GRID1: variants seen among roughly 807,000 people sequenced by gnomAD.
GRID1 encodes glutamate ionotropic receptor delta type subunit 1.
Under a neutral mutation model 98.0 loss-of-function variants are expected in GRID1, and 28 were observed. The observed-to-expected ratio is 0.29, with a 90% CI of 0.21 to 0.39. The LOEUF is 0.39. Among genes scored for constraint, GRID1 ranks in the 10% least tolerant of loss-of-function variants. GRID1 has a pLI of 1.00. For missense variants in GRID1, 1,111 were observed against 1,340.5 expected, an observed-to-expected ratio of 0.83 and a Z score of 2.67; for synonymous variants, 553 against 538.5, an observed-to-expected ratio of 1.03 and a Z score of -0.37.
chr10:86,154,586 G>A (rs1440151957), intron 3 of GRID1, among the ~76,000 whole-genome samples: 1 of 152,138 alleles, frequency 6.6e-6, no homozygotes, highest in African/African-American at 2.4e-5. Flanking sequence ...CAGATCCTGG[G>A]AATCTTTCTC....
At chr10:85,640,941 G>C (rs1366295161) in intron 13 of GRID1, among the ~76,000 whole-genome samples, 2 of 152,190 alleles carry the variant, frequency 1.3e-5, no homozygotes, top group Non-Finnish European at 2.9e-5. Context: ...ACCACCAAAT[G>C]CTGGCCTAAA....
intron 8 of GRID1, among the ~76,000 whole-genome samples, chr10:85,815,412 A>C (rs1235348565): frequency 6.6e-6 from 1 of 152,060 alleles, no homozygotes; most frequent in East Asian, 1.9e-4. Context: ...AAAATAAACA[A>C]AAGAAATACA....
chr10:85,853,307 T>C (rs1428312805), intron 8 of GRID1, among the ~76,000 whole-genome samples: 1 of 152,208 alleles, frequency 6.6e-6, no homozygotes, highest in African/African-American at 2.4e-5. Context: ...TTCTAGCCAA[T>C]GGTGACATCA....
chr10:86,062,267 T>TAC (rs1564663358), intron 4 of GRID1, among the ~76,000 whole-genome samples: 1 of 151,980 alleles, frequency 6.6e-6, no homozygotes, highest in Admixed American at 6.6e-5. Context: ...GAGCATCTCA[T>TAC]ACACACACAC....
intron 2 of GRID1, among the ~76,000 whole-genome samples, chr10:86,218,892 T>C (rs1846212367): frequency 6.6e-6 from 1 of 152,218 alleles, no homozygotes; most frequent in Non-Finnish European, 1.5e-5. Flanking sequence ...CAGCTCTGGA[T>C]GCCTTGGAGC....
At chr10:86,185,089 A>G (rs1845710125) in intron 3 of GRID1, among the ~76,000 whole-genome samples, 1 of 152,088 alleles carries the variant, frequency 6.6e-6, no homozygotes, top group Non-Finnish European at 1.5e-5. Context: ...AATATTTTTA[A>G]CAGTAATGAG....
chr10:86,166,626 G>A (rs925743323), intron 3 of GRID1, among the ~76,000 whole-genome samples: 1 of 152,216 alleles, frequency 6.6e-6, no homozygotes, highest in African/African-American at 2.4e-5. Flanking sequence ...AGTAGGACCT[G>A]CTGCCACAAC....
intron 11 of GRID1, 42 bp downstream of exon 11, chr10:85,724,309 AG>A: frequency 6.8e-7 from 1 of 1,478,328 alleles, no homozygotes. Context: ...AAGTTCTTCC[AG>A]GCCCCTAGAG....
At chr10:85,652,418 G>A (rs974868309) in intron 12 of GRID1, among the ~76,000 whole-genome samples, 6 of 152,178 alleles carry the variant, frequency 3.9e-5, no homozygotes, top group African/African-American at 9.7e-5. Context: ...TTTCAACAAC[G>A]GTGGGGATGT....
At chr10:85,666,866 C>G (rs541036565) in intron 12 of GRID1, among the ~76,000 whole-genome samples, 2 of 152,286 alleles carry the variant, frequency 1.3e-5, no homozygotes, top group East Asian at 3.9e-4. Context: ...ACCCAGGTCT[C>G]GCACTAACAC....
At chr10:85,782,948 T>A (rs1312646575) in intron 8 of GRID1, among the ~76,000 whole-genome samples, 63 of 151,874 alleles carry the variant, frequency 4.1e-4, no homozygotes, top group Non-Finnish European at 5.9e-5. Flanking sequence ...TGAATAAGGA[T>A]GGAAATAAAC....
At chr10:86,116,064 T>C (rs1177070575) in intron 4 of GRID1, among the ~76,000 whole-genome samples, 2 of 152,208 alleles carry the variant, frequency 1.3e-5, no homozygotes, top group Non-Finnish European at 2.9e-5. Context: ...CTGTACTGTC[T>C]AGGTTTGTGT....
intron 3 of GRID1, among the ~76,000 whole-genome samples, chr10:86,178,091 C>G (rs1191441601): frequency 6.6e-6 from 1 of 152,102 alleles, no homozygotes; most frequent in Non-Finnish European, 1.5e-5. Flanking sequence ...GATTTCACTT[C>G]AGAAATCAGC....
At chr10:86,132,506 G>A (rs1376228176) in intron 4 of GRID1, among the ~76,000 whole-genome samples, 1 of 152,186 alleles carries the variant, frequency 6.6e-6, no homozygotes, top group Non-Finnish European at 1.5e-5. Context: ...ATAATTAAAT[G>A]CAAATGCAGG....
At chr10:85,614,216 T>C (rs1842764445) in intron 14 of GRID1, among the ~76,000 whole-genome samples, 1 of 152,134 alleles carries the variant, frequency 6.6e-6, no homozygotes, top group South Asian at 2.1e-4. Flanking sequence ...ATTAGCTCAA[T>C]CAAAGTGCAG....
At chr10:85,982,193 CA>C (rs5786730) in intron 4 of GRID1, among the ~76,000 whole-genome samples, 23,991 of 129,866 alleles carry the variant, frequency 0.18, 2,229 homozygotes, top group African/African-American at 0.3. Context: ...GCTCTTGCCA[CA>C]AAAAAAAAAA....
intron 3 of GRID1, among the ~76,000 whole-genome samples, chr10:86,191,531 C>A (rs1407353723): frequency 1.3e-5 from 2 of 151,736 alleles, no homozygotes; most frequent in Non-Finnish European, 2.9e-5. Context: ...CCCTATCCTG[C>A]TGATTACCAC....
At chr10:86,325,321 A>G (rs189755787) in intron 2 of GRID1, among the ~76,000 whole-genome samples, 1 of 152,342 alleles carries the variant, frequency 6.6e-6, no homozygotes, top group Admixed American at 6.5e-5. Flanking sequence ...ATTGTACACA[A>G]TGAAACTGAT....
intron 5 of GRID1, among the ~76,000 whole-genome samples, chr10:85,913,251 T>G (rs1272460170): frequency 6.6e-6 from 1 of 152,196 alleles, no homozygotes; most frequent in Non-Finnish European, 1.5e-5. Flanking sequence ...GTTATAGATC[T>G]TTGCCAAGGC....
Sources: gnomAD v4.1 joint callset for allele counts (sites outside exome capture counted in the v4.1 genomes callset) on GRCh38, gnomAD v4.1.1 for gene constraint, MANE v1.5 for transcripts, NCBI Gene and HGNC (gene_info 2026-07-23, HGNC 2026-07-21) for gene names.